Variants in CLEC16A observed in about 807,000 individuals in gnomAD.
The protein encoded by CLEC16A is protein CLEC16A.
Under a neutral mutation model 109.5 loss-of-function variants are expected in CLEC16A, and 51 were observed. The observed-to-expected ratio is 0.47, with a 90% confidence interval of 0.37 to 0.59. The LOEUF (loss-of-function observed/expected upper bound fraction) is 0.59. CLEC16A is among the 20% of genes least tolerant of loss of function. CLEC16A has a pLI of 0.00. For synonymous variants in CLEC16A, 673 were observed against 564.2 expected, an observed-to-expected ratio of 1.19 and a Z score of -2.73; for missense variants, 1,339 against 1,394.0, an observed-to-expected ratio of 0.96 and a Z score of 0.63.
At chr16:10,971,052 T>A in intron 4 of CLEC16A, 73 bp from the exon 5 acceptor site, 1 of 756,674 alleles carries the variant, frequency 1.3e-6, no homozygotes, top group Middle Eastern at 2.4e-4. Context: ...TCTGATGGAA[T>A]TCAGAGAGTT....
At chr16:11,092,840 G>C (rs776979653) in intron 19 of CLEC16A, among the ~76,000 whole-genome samples, 2 of 152,184 alleles carry the variant, frequency 1.3e-5, no homozygotes, top group Non-Finnish European at 2.9e-5. Context: ...CACGGTGGTC[G>C]TGACAATTAA....
At chr16:11,171,388 A>C (rs1359540773) in intron 23 of CLEC16A, among the ~76,000 whole-genome samples, 1 of 151,972 alleles carries the variant, frequency 6.6e-6, no homozygotes, top group African/African-American at 2.4e-5. Flanking sequence ...TCAACACCGA[A>C]CTCCCTGATG....
chr16:11,096,884 A>AT (rs1423132899), intron 19 of CLEC16A, among the ~76,000 whole-genome samples: 2 of 152,282 alleles, frequency 1.3e-5, no homozygotes, highest in Non-Finnish European at 2.9e-5. Context: ...AGGGAGGGAC[A>AT]TAATCTAAAG....
At chr16:11,065,848 T>C (rs1485533521) in intron 19 of CLEC16A, among the ~76,000 whole-genome samples, 1 of 152,150 alleles carries the variant, frequency 6.6e-6, no homozygotes, top group Non-Finnish European at 1.5e-5. Flanking sequence ...TCACAGAAAC[T>C]TGGGTGGCTG....
chr16:11,170,711 C>G (rs2068474078), intron 23 of CLEC16A, among the ~76,000 whole-genome samples: 1 of 152,164 alleles, frequency 6.6e-6, no homozygotes, highest in Admixed American at 6.5e-5. Flanking sequence ...TATTGTTTTC[C>G]AAGCAAGCAG....
intron 22 of CLEC16A, among the ~76,000 whole-genome samples, chr16:11,160,893 T>G (rs1256543845): frequency 6.6e-6 from 1 of 152,180 alleles, no homozygotes; most frequent in Non-Finnish European, 1.5e-5. Context: ...GGAAGCAGAA[T>G]GGAGGAGGAT....
chr16:11,034,912 T>C (rs2046938582), intron 13 of CLEC16A, among the ~76,000 whole-genome samples: 1 of 143,260 alleles, frequency 7.0e-6, no homozygotes, highest in East Asian at 1.9e-4. Flanking sequence ...TGAATGAGTG[T>C]CTGTGTGTGT....
rs536067685 is a variant in CLEC16A at position 11,121,879 on chromosome 16, C to CAAAAAA, written c.2268+1136_2268+1141dup. On this transcript the variant is annotated intron_variant, in intron 20 of 23. Transcript: ENST00000409790. ...TGGGCGGCAGAGTGAGACCCTGTCT[C>CAAAAAA]AAAAAAAAAAAAAAAAAAAAAAAAA... Among the ~76,000 whole-genome samples the CAAAAAA allele has an allele frequency of 9.4e-4, 28 of 29,826 alleles. 2 individuals are homozygous for CAAAAAA. Among genetic ancestry groups the CAAAAAA allele is most frequent in the South Asian group, 1.5e-3 (1 of 678 alleles). 19.6% of individuals were successfully genotyped at this position (29,826 alleles called of 152,430 possible). A position where few individuals can be genotyped will look rare whatever the true frequency, so the allele number is the denominator to read the frequency against.
chr16:11,171,650 C>T (rs987742299), intron 23 of CLEC16A, among the ~76,000 whole-genome samples: 1 of 152,170 alleles, frequency 6.6e-6, no homozygotes, highest in Non-Finnish European at 1.5e-5. Flanking sequence ...GCTGAACTTG[C>T]AAAGAATATA....
At chr16:11,136,473 G>C (rs2053569108) in intron 22 of CLEC16A, among the ~76,000 whole-genome samples, 1 of 152,166 alleles carries the variant, frequency 6.6e-6, no homozygotes, top group South Asian at 2.1e-4. Context: ...TGTTGTTGTT[G>C]TTGTTGTTGT....
chr16:11,160,822 G>A (rs544594057), intron 22 of CLEC16A, among the ~76,000 whole-genome samples: 2 of 152,308 alleles, frequency 1.3e-5, no homozygotes, highest in South Asian at 4.1e-4. Context: ...TCCCTAATGT[G>A]TGATTCATCC....
intron 12 of CLEC16A, among the ~76,000 whole-genome samples, chr16:11,020,833 G>T (rs180982360): frequency 4.6e-4 from 70 of 152,342 alleles, no homozygotes; most frequent in African/African-American, 1.6e-3. Flanking sequence ...ATGGCCATCT[G>T]TAGCTACATC....
At chr16:11,003,992 G>A (rs7184093) in intron 11 of CLEC16A, among the ~76,000 whole-genome samples, 57,423 of 148,106 alleles carry the variant, frequency 0.39, 11,408 homozygotes, top group Middle Eastern at 0.43. Flanking sequence ...AAAAAAAAGT[G>A]TTTAGTATTT....
intron 13 of CLEC16A, chr16:11,027,541 T>C (rs1252028402): frequency 6.4e-7 from 1 of 1,560,258 alleles, no homozygotes; most frequent in Non-Finnish European, 8.7e-7. Flanking sequence ...AACACAGTGA[T>C]TGAGGAGCAC....
intron 22 of CLEC16A, chr16:11,126,586 C>T (rs974047954): frequency 1.0e-5 from 4 of 384,920 alleles, no homozygotes; most frequent in Non-Finnish European, 1.8e-5. Context: ...CAGCTGTCCA[C>T]TCCTTCCATA....
chr16:10,973,887 C>CTTTT (rs569414844), intron 7 of CLEC16A, among the ~76,000 whole-genome samples: 1,055 of 46,582 alleles, frequency 0.023, 355 homozygotes, highest in African/African-American at 0.1. Context: ...GGGCTGCTTG[C>CTTTT]TTTTTTTTTT....
chr16:11,108,398 A>G (rs1280227316), intron 19 of CLEC16A, among the ~76,000 whole-genome samples: 2 of 152,260 alleles, frequency 1.3e-5, no homozygotes, highest in African/African-American at 4.8e-5. Context: ...AGGTGGCTTC[A>G]GATCCTTGGC....
chr16:11,133,812 A>C (rs561660200), intron 22 of CLEC16A, among the ~76,000 whole-genome samples: 9 of 152,336 alleles, frequency 5.9e-5, no homozygotes, highest in Admixed American at 2.0e-4. Flanking sequence ...TCACACAGGA[A>C]GAAGGACCTG....
intron 17 of CLEC16A, 39 bp downstream of exon 17, chr16:11,047,381 C>T: frequency 6.6e-7 from 1 of 1,510,370 alleles, no homozygotes; most frequent in Non-Finnish European, 8.9e-7. Flanking sequence ...CTGGTGTGCG[C>T]CTGTGTCCCT....
Sources: allele counts gnomAD v4.1 joint callset (sites outside exome capture counted in the v4.1 genomes callset), GRCh38; gene constraint gnomAD v4.1.1; transcripts MANE v1.5; gene names NCBI Gene and HGNC (gene_info 2026-07-23, HGNC 2026-07-21).